LMNTD1: variants seen among roughly 807,000 people sequenced by gnomAD.
LMNTD1 encodes the protein lamin tail domain containing 1.
Under a neutral mutation model 50.9 loss-of-function variants are expected in LMNTD1, and 35 were observed. The observed-to-expected ratio is 0.69, with a 90% CI of 0.53 to 0.91. The LOEUF (loss-of-function observed/expected upper bound fraction) is 0.91. Ranked by LOEUF, LMNTD1 falls within the 40% of genes least tolerant of loss-of-function variation. The pLI is 0.00. For missense variants in LMNTD1, 470 were observed against 475.5 expected (o/e 0.99, Z 0.11); for synonymous variants, 153 against 161.9 (o/e 0.94, Z 0.42).
At chr12:25,487,973 T>C (rs9739523) in intron 9 of LMNTD1, among the ~76,000 whole-genome samples, 29,308 of 144,804 alleles carry the variant, frequency 0.2, 2,820 homozygotes, top group Non-Finnish European at 0.24. Context: ...CACTCTCTTC[T>C]GGCTTGTGGG....
intron 1 of LMNTD1, among the ~76,000 whole-genome samples, chr12:25,619,252 C>CTCTCTATATATATATA (rs1374134268): frequency 1.3e-4 from 11 of 84,430 alleles, no homozygotes; most frequent in South Asian, 8.1e-4. Flanking sequence ...CTCTCTCTCT[C>CTCTCTATATATATATA]TATATATATA....
At chr12:25,646,970 C>A (rs946972364) in intron 1 of LMNTD1, among the ~76,000 whole-genome samples, 4 of 152,300 alleles carry the variant, frequency 2.6e-5, no homozygotes, top group Admixed American at 2.0e-4. Flanking sequence ...TAAGACCCAT[C>A]AACTAGTAAA....
chr12:25,518,692 C>A, intron 8 of LMNTD1, 103 bp downstream of exon 8: 2 of 974,188 alleles, frequency 2.1e-6, no homozygotes, highest in East Asian at 2.4e-5. Context: ...GAATATGAAT[C>A]ATCTTTAACA....
intron 1 of LMNTD1, among the ~76,000 whole-genome samples, chr12:25,631,671 C>T (rs1026685985): frequency 1.3e-5 from 2 of 152,134 alleles, no homozygotes; most frequent in South Asian, 2.1e-4. Context: ...CTAGACCTTC[C>T]CTCTGACAGA....
intron 1 of LMNTD1, among the ~76,000 whole-genome samples, chr12:25,643,915 G>C (rs1947004774): frequency 1.3e-5 from 2 of 152,156 alleles, no homozygotes; most frequent in African/African-American, 4.8e-5. Flanking sequence ...AGATCACCTG[G>C]AGAGACTGCA....
chr12:25,599,209 A>T (rs1945910127), intron 1 of LMNTD1, among the ~76,000 whole-genome samples: 1 of 152,034 alleles, frequency 6.6e-6, no homozygotes, highest in African/African-American at 2.4e-5. Context: ...TGAAGGAAAA[A>T]AATGATCATT....
chr12:25,627,999 A>C (rs982969729), intron 1 of LMNTD1, among the ~76,000 whole-genome samples: 1 of 149,746 alleles, frequency 6.7e-6, no homozygotes, highest in African/African-American at 2.5e-5. Context: ...TCCCAGCTAC[A>C]CGGGAGGCTG....
chr12:25,645,878 A>G (rs1184040917), intron 1 of LMNTD1, among the ~76,000 whole-genome samples: 1 of 152,184 alleles, frequency 6.6e-6, no homozygotes, highest in Non-Finnish European at 1.5e-5. Context: ...TCACTGTGAA[A>G]ATAAGGAGCC....
At chr12:25,514,255 T>C (rs1173466785) in intron 8 of LMNTD1, among the ~76,000 whole-genome samples, 1 of 152,112 alleles carries the variant, frequency 6.6e-6, no homozygotes, top group Non-Finnish European at 1.5e-5. Flanking sequence ...TAGAAATCAG[T>C]GTGCACGTGA....
intron 1 of LMNTD1, among the ~76,000 whole-genome samples, chr12:25,613,597 T>C (rs1373422509): frequency 1.3e-5 from 2 of 152,212 alleles, no homozygotes; most frequent in Non-Finnish European, 2.9e-5. Flanking sequence ...CATTTGATAA[T>C]TAACATTGTA....
chr12:25,481,736 G>T (rs1181988701), intron 9 of LMNTD1, among the ~76,000 whole-genome samples: 1 of 151,306 alleles, frequency 6.6e-6, no homozygotes, highest in Non-Finnish European at 1.5e-5. Flanking sequence ...TTAAATCTCT[G>T]AAGAGGGTAT....
At chr12:25,611,072 GA>G (rs753506898) in intron 1 of LMNTD1, among the ~76,000 whole-genome samples, 10 of 152,128 alleles carry the variant, frequency 6.6e-5, no homozygotes, top group Non-Finnish European at 1.5e-4. Context: ...AGAACGAAGA[GA>G]ACCAGTATAA....
intron 8 of LMNTD1, among the ~76,000 whole-genome samples, chr12:25,505,683 C>T (rs541345451): frequency 2.0e-5 from 3 of 151,966 alleles, no homozygotes; most frequent in Admixed American, 6.6e-5. Context: ...GCACAGGACC[C>T]GTTAGTATTT....
chr12:25,600,187 T>G (rs961946897), intron 1 of LMNTD1, among the ~76,000 whole-genome samples: 1 of 151,802 alleles, frequency 6.6e-6, no homozygotes, highest in East Asian at 1.9e-4. Flanking sequence ...GCCAAGAACA[T>G]ACACTGGGGA....
intron 1 of LMNTD1, among the ~76,000 whole-genome samples, chr12:25,621,480 G>A (rs992895224): frequency 7.2e-5 from 11 of 152,142 alleles, no homozygotes; most frequent in East Asian, 3.8e-4. Context: ...TATGATATAC[G>A]TTTAACTTGT....
intron 7 of LMNTD1, among the ~76,000 whole-genome samples, chr12:25,519,615 T>C (rs1442379282): frequency 2.3e-5 from 2 of 85,806 alleles, no homozygotes; most frequent in East Asian, 5.5e-4. Context: ...AAAAGTGAAA[T>C]GGCCAGAGGG....
intron 1 of LMNTD1, among the ~76,000 whole-genome samples, chr12:25,612,710 T>G (rs1391199851): frequency 6.6e-6 from 1 of 151,990 alleles, no homozygotes; most frequent in African/African-American, 2.4e-5. Context: ...ACTTTATATA[T>G]ATATATATTT....
chr12:25,599,554 A>T (rs1399686298), intron 1 of LMNTD1, among the ~76,000 whole-genome samples: 8 of 152,074 alleles, frequency 5.3e-5, no homozygotes, highest in Non-Finnish European at 1.2e-4. Flanking sequence ...GGAAAAACCT[A>T]AAGACTCTAC....
At chr12:25,528,352 C>T (rs58907459) in intron 4 of LMNTD1, among the ~76,000 whole-genome samples, 19,760 of 152,158 alleles carry the variant, frequency 0.13, 1,348 homozygotes, top group East Asian at 0.2. Context: ...CCTTGTCCTT[C>T]TGCCTCATTC....
Sources: gnomAD v4.1 joint callset for allele counts (sites outside exome capture counted in the v4.1 genomes callset) on GRCh38, gnomAD v4.1.1 for gene constraint, MANE v1.5 for transcripts, NCBI Gene and HGNC (gene_info 2026-07-23, HGNC 2026-07-21) for gene names.